The following DSCAM variants were observed in gnomAD, a reference collection of about 807,000 sequenced individuals.
The protein encoded by DSCAM is cell adhesion molecule DSCAM.
DSCAM carries 47 observed loss-of-function variants against 217.7 expected under a neutral mutation model. The ratio of observed to expected loss-of-function variants is 0.22; its 90% CI spans 0.17 to 0.28. DSCAM has a LOEUF of 0.28. Ranked by LOEUF, DSCAM falls within the 10% of genes least tolerant of loss-of-function variation. The pLI, the probability that DSCAM is intolerant of heterozygous loss-of-function variation, is 1.00. For synonymous variants in DSCAM, 1,056 were observed against 1,015.3 expected, an observed-to-expected ratio of 1.04 and a Z score of -0.76; for missense variants, 2,080 against 2,618.3, an observed-to-expected ratio of 0.79 and a Z score of 4.49.
intron 3 of DSCAM, among the ~76,000 whole-genome samples, chr21:40,484,000 C>A (rs1348257410): frequency 3.3e-5 from 5 of 152,034 alleles, no homozygotes; most frequent in Non-Finnish European, 7.4e-5. Context: ...GGCTATTGGC[C>A]AATAATTACG....
At chr21:40,101,125 C>G (rs975004914) in intron 20 of DSCAM, among the ~76,000 whole-genome samples, 3 of 152,192 alleles carry the variant, frequency 2.0e-5, no homozygotes, top group Admixed American at 2.0e-4. Context: ...CCTGCTCTGT[C>G]TATGCCCAGC....
intron 11 of DSCAM, among the ~76,000 whole-genome samples, chr21:40,202,746 C>T (rs1215103747): frequency 2.0e-5 from 3 of 152,256 alleles, no homozygotes; most frequent in African/African-American, 7.2e-5. Context: ...ACCACTCTGA[C>T]CATGTGATCT....
At chr21:40,720,572 A>G (rs1015351167) in intron 1 of DSCAM, among the ~76,000 whole-genome samples, 6 of 152,166 alleles carry the variant, frequency 3.9e-5, no homozygotes, top group Admixed American at 6.5e-5. Flanking sequence ...CATCACTTAG[A>G]AATATGAAAT....
chr21:40,808,881 A>G (rs2091812442), intron 1 of DSCAM, among the ~76,000 whole-genome samples: 1 of 151,984 alleles, frequency 6.6e-6, no homozygotes, highest in Admixed American at 6.5e-5. Context: ...ATGAGCTGAC[A>G]CTCTCTGCTT....
intron 1 of DSCAM, among the ~76,000 whole-genome samples, chr21:40,773,373 T>C (rs1007723261): frequency 6.6e-6 from 1 of 152,162 alleles, no homozygotes; most frequent in Non-Finnish European, 1.5e-5. Flanking sequence ...GACACACAAC[T>C]CCAATTTCTA....
In DSCAM at chr21:40,312,153, T is replaced by G. The variant is rs757929810; in HGVS notation, c.1990A>C (p.Asn664His). ...LRISNLSLMHNGNYTCIARNE... is the reference protein window; with the variant it reads ...LRISNLSLMHHGNYTCIARNE... The stretch of plus-strand genomic sequence containing the variant: ...CGGGCTATGCAGGTGTAATTCCCAT[T>G]GTGCATGAGCGAGAGATTGGAAATC... The change falls in exon 9 of 33, where the codon AAT becomes CAT. Residue 664 changes from asparagine to histidine, a missense_variant. By Grantham distance (68) the Asn-to-His change is moderately conservative. Coordinates refer to ENST00000400454, the MANE Select transcript of DSCAM (RefSeq NM_001389.5). 2 of 1,614,024 alleles carry G rather than the reference T, an allele frequency of 1.2e-6. No homozygotes were observed. Among genetic ancestry groups the G allele is most frequent in the South Asian group, 1.1e-5 (1 of 91,076 alleles).
chr21:40,301,350 C>T (rs1366957395), intron 9 of DSCAM, among the ~76,000 whole-genome samples: 1 of 152,210 alleles, frequency 6.6e-6, no homozygotes, highest in East Asian at 1.9e-4. Context: ...AGCCCTTGGT[C>T]TCCAGTTGCA....
At chr21:40,590,858 T>C (rs538454966) in intron 3 of DSCAM, among the ~76,000 whole-genome samples, 5 of 152,162 alleles carry the variant, frequency 3.3e-5, no homozygotes, top group African/African-American at 1.2e-4. Context: ...CCTTTCCTCA[T>C]CTTTGCCTTA....
At chr21:40,762,199 T>C (rs941388691) in intron 1 of DSCAM, among the ~76,000 whole-genome samples, 5 of 151,526 alleles carry the variant, frequency 3.3e-5, no homozygotes, top group African/African-American at 7.3e-5. Flanking sequence ...ATTAACAAAA[T>C]AGATAGACCA....
At chr21:40,458,123 G>A (rs1353249672) in intron 3 of DSCAM, among the ~76,000 whole-genome samples, 4 of 152,046 alleles carry the variant, frequency 2.6e-5, no homozygotes, top group East Asian at 1.9e-4. Context: ...AGTATACAAC[G>A]AAAGAAAAAT....
intron 3 of DSCAM, among the ~76,000 whole-genome samples, chr21:40,609,873 C>G (rs1032655839): frequency 6.6e-6 from 1 of 152,214 alleles, no homozygotes; most frequent in Non-Finnish European, 1.5e-5. Context: ...GTGAGACTAT[C>G]ACGGCTGCCT....
At chr21:40,093,678 TCAAGTTACAACAGGAAATG>T in intron 21 of DSCAM, 24 bp downstream of exon 21, 1 of 1,608,894 alleles carries the variant, frequency 6.2e-7, no homozygotes, top group Non-Finnish European at 8.5e-7. Context: ...TTAAAAACAG[TCAAGTTACAACAGGAAATG>T]AGGTCCTTAT....
chr21:40,823,196 A>G (rs2091943223), intron 1 of DSCAM, among the ~76,000 whole-genome samples: 1 of 71,554 alleles, frequency 1.4e-5, no homozygotes, highest in African/African-American at 5.6e-5. Context: ...ATCTTAGCAT[A>G]CATACATTGT....
intron 10 of DSCAM, among the ~76,000 whole-genome samples, chr21:40,277,297 C>G (rs569958580): frequency 1.3e-4 from 20 of 152,244 alleles, no homozygotes; most frequent in Non-Finnish European, 1.3e-4. Flanking sequence ...ACAAGTCAGA[C>G]GTCTCCACAG....
At chr21:40,262,311 G>A (rs1273695162) in intron 11 of DSCAM, among the ~76,000 whole-genome samples, 1 of 152,096 alleles carries the variant, frequency 6.6e-6, no homozygotes, top group Non-Finnish European at 1.5e-5. Flanking sequence ...ATTTAGATGA[G>A]GTCAGCTTCC....
At chr21:40,830,950 G>C (rs776313950) in intron 1 of DSCAM, among the ~76,000 whole-genome samples, 1 of 152,172 alleles carries the variant, frequency 6.6e-6, no homozygotes, top group Non-Finnish European at 1.5e-5. Flanking sequence ...CCTGGCCAAG[G>C]TTTGTGAGGT....
In DSCAM at chr21:40,792,123, C is replaced by CTCCTCT. The variant is rs146618927; in HGVS notation, c.43+54495_43+54496insAGAGGA. 1.0e-2 allele frequency among the ~76,000 whole-genome samples: 1,083 copies of CTCCTCT among 108,730 alleles called. 107 individuals are homozygous for CTCCTCT. Among genetic ancestry groups the CTCCTCT allele is most frequent in the South Asian group, 0.012 (37 of 2,996 alleles). The allele number at this position is 108,730 out of a possible 152,430, so 71.3% of individuals were successfully genotyped here. A position where few individuals can be genotyped will look rare whatever the true frequency, so the allele number is the denominator to read the frequency against. ...CCTCTTTGTGTCCCGGTGTCCTAATCTCTTCTTCTTCTTCTTTTTTTTTTT... is the reference window on the plus strand; with the variant it reads ...CCTCTTTGTGTCCCGGTGTCCTAATCTCCTCTTCTTCTTCTTCTTCTTTTTTTTTTT... On this transcript the variant is annotated intron_variant, in intron 1 of 32. Coordinates refer to ENST00000400454, the MANE Select transcript of DSCAM (RefSeq NM_001389.5).
At chr21:40,568,560 G>T (rs778521734) in intron 3 of DSCAM, among the ~76,000 whole-genome samples, 1 of 152,016 alleles carries the variant, frequency 6.6e-6, no homozygotes, top group African/African-American at 2.4e-5. Flanking sequence ...ATATTAAAAT[G>T]ATATTTTCTT....
intron 3 of DSCAM, among the ~76,000 whole-genome samples, chr21:40,599,438 G>C (rs1383034300): frequency 1.3e-5 from 2 of 152,070 alleles, no homozygotes; most frequent in African/African-American, 4.8e-5. Flanking sequence ...TGTTATCATT[G>C]TTCTGGGACA....
Sources: allele counts gnomAD v4.1 joint callset (sites outside exome capture counted in the v4.1 genomes callset), GRCh38; gene constraint gnomAD v4.1.1; transcripts MANE v1.5; gene names NCBI Gene and HGNC (gene_info 2026-07-23, HGNC 2026-07-21).